Variants in DENND6A observed in about 807,000 individuals in gnomAD.
The protein encoded by DENND6A is protein DENND6A.
A neutral mutation model predicts 95.5 loss-of-function variants in DENND6A; 43 were observed. That is an observed-to-expected ratio of 0.45 (90% CI 0.35 to 0.58). The LOEUF is 0.58. Among genes scored for constraint, DENND6A ranks in the 20% least tolerant of loss-of-function variants. DENND6A has a pLI of 0.00. For synonymous variants in DENND6A, 257 were observed against 260.4 expected, an observed-to-expected ratio of 0.99 and a Z score of 0.13; for missense variants, 574 against 736.0, an observed-to-expected ratio of 0.78 and a Z score of 2.55.
intron 16 of DENND6A, 35 bp from the exon 17 acceptor site, chr3:57,630,859 G>C (rs2070653279): frequency 1.2e-6 from 2 of 1,610,346 alleles, no homozygotes; most frequent in African/African-American, 2.7e-5. Context: ...TAGAAATTAG[G>C]AGTGGATATG....
intron 1 of DENND6A, among the ~76,000 whole-genome samples, chr3:57,687,939 A>AG (rs1055542011): frequency 5.9e-5 from 9 of 151,290 alleles, no homozygotes; most frequent in African/African-American, 1.7e-4. Flanking sequence ...CAAAAAAAAA[A>AG]AAAAGAAAAG....
chr3:57,683,850 T>C (rs967677139), intron 1 of DENND6A, among the ~76,000 whole-genome samples: 2 of 152,272 alleles, frequency 1.3e-5, no homozygotes, highest in African/African-American at 4.8e-5. Flanking sequence ...GCAAGTTACC[T>C]CTTTAAGTTC....
intron 6 of DENND6A, among the ~76,000 whole-genome samples, chr3:57,661,085 C>A (rs939951537): frequency 2.0e-5 from 3 of 152,064 alleles, no homozygotes; most frequent in Admixed American, 1.3e-4. Flanking sequence ...TTTTTGTATT[C>A]ATTTATTACT....
At chr3:57,661,652 T>TA in intron 5 of DENND6A, 101 bp from the exon 6 acceptor site, 1 of 931,444 alleles carries the variant, frequency 1.1e-6, no homozygotes, top group Non-Finnish European at 1.6e-6. Flanking sequence ...GTGTGGATTT[T>TA]AAAATAAAAA....
chr3:57,631,305 T>G (rs766605721), intron 15 of DENND6A: 4 of 201,440 alleles, frequency 2.0e-5, no homozygotes, highest in Non-Finnish European at 4.0e-5. Flanking sequence ...CAAGCGATTC[T>G]CCCGCCTCAG....
In DENND6A at chr3:57,646,316, T is replaced by C; in HGVS notation, c.941A>G (p.Asn314Ser). The change falls in exon 10 of 20, where the codon AAC (asparagine) becomes AGC (serine). Residue 314 changes from asparagine (N) to serine (S), a missense_variant and splice_region_variant. Asn to Ser is a conservative substitution (Grantham distance 46). Around this residue, in one of 2 missense-constraint regions of DENND6A, gnomAD observed 452 missense variants for 630.9 expected, o/e 0.72. Transcript: ENST00000311128. ...AGAAATAGTAACCAAATAGACTCAC[T>C]TAACAAGTGCCAATACAGTCTCTGA... The part of the protein sequence containing the change: ...ESSETVLALV[N>S]CISPLKYFSD... 1 of 1,607,594 alleles carries C rather than the reference T, an allele frequency of 6.2e-7. No homozygotes were observed.
chr3:57,644,162 A>C (rs982755830), intron 11 of DENND6A, among the ~76,000 whole-genome samples: 3 of 151,994 alleles, frequency 2.0e-5, no homozygotes, highest in Non-Finnish European at 2.9e-5. Flanking sequence ...AAAAAAAAAA[A>C]AAAAACTATC....
At chr3:57,649,641 AAT>A (rs1186061791) in intron 9 of DENND6A, among the ~76,000 whole-genome samples, 10,844 of 102,520 alleles carry the variant, frequency 0.11, 405 homozygotes, top group Non-Finnish European at 0.12. Flanking sequence ...AAAAAAAAAA[AAT>A]ATATATATAT....
chr3:57,634,600 T>C lies in DENND6A; in HGVS notation c.1221A>G (p.Pro407=). Reference sequence around the variant, plus strand: ...TGATCTCTTCATCTCTATTTAAATATGGCTTATATGAAGTATAAACTCCTA... The same window carrying C: ...TGATCTCTTCATCTCTATTTAAATACGGCTTATATGAAGTATAAACTCCTA... ...SKPGVYTSYK[P]YLNRDEEIIK... Residue 407 remains proline, a synonymous_variant, in exon 14 of 20, where the codon CCA becomes CCG. Coordinates refer to ENST00000311128, the MANE Select transcript of DENND6A (RefSeq NM_152678.3). 2 of 1,466,808 alleles carry C rather than the reference T, an allele frequency of 1.4e-6. No individual in the cohort carries two copies. The highest frequency in any genetic ancestry group is 1.8e-6 in the Non-Finnish European group (2 of 1,093,792). 90.9% of individuals were successfully genotyped at this position (1,466,808 alleles called of 1,614,324 possible).
chr3:57,643,646 A>G (rs2070999876), intron 11 of DENND6A, among the ~76,000 whole-genome samples: 1 of 151,326 alleles, frequency 6.6e-6, no homozygotes, highest in South Asian at 2.1e-4. Flanking sequence ...GGCCAACATG[A>G]TGAAACCCCA....
intron 9 of DENND6A, among the ~76,000 whole-genome samples, chr3:57,646,740 C>T (rs1001686352): frequency 6.6e-6 from 1 of 152,064 alleles, no homozygotes; most frequent in Non-Finnish European, 1.5e-5. Flanking sequence ...ACCATATGAT[C>T]GATCTATTTT....
At chr3:57,649,167 TAAAC>T (rs1442701371) in intron 9 of DENND6A, among the ~76,000 whole-genome samples, 1 of 151,710 alleles carries the variant, frequency 6.6e-6, no homozygotes, top group African/African-American at 2.4e-5. Context: ...AAGAACAAAA[TAAAC>T]AATCCCATCA....
intron 7 of DENND6A, 127 bp downstream of exon 7, chr3:57,660,633 G>A (rs1053376824): frequency 2.2e-5 from 16 of 714,490 alleles, no homozygotes; most frequent in Admixed American, 1.2e-4. Flanking sequence ...GCTTGAGCCC[G>A]GAAAGTTGAG....
At chr3:57,637,075 G>A (rs1337303365) in intron 12 of DENND6A, among the ~76,000 whole-genome samples, 3 of 151,946 alleles carry the variant, frequency 2.0e-5, no homozygotes, top group African/African-American at 2.4e-5. Context: ...ACCATTTACT[G>A]AAGATGTCCT....
intron 3 of DENND6A, among the ~76,000 whole-genome samples, chr3:57,666,637 C>T (rs753856284): frequency 3.3e-5 from 5 of 152,080 alleles, no homozygotes; most frequent in Non-Finnish European, 7.4e-5. Flanking sequence ...ACTAAACTGT[C>T]GTGCTTAGGG....
intron 3 of DENND6A, among the ~76,000 whole-genome samples, chr3:57,669,076 T>C (rs2071572016): frequency 6.6e-6 from 1 of 152,150 alleles, no homozygotes; most frequent in Admixed American, 6.5e-5. Context: ...TTCACCATGT[T>C]GGCCAGGCTG....
At chr3:57,683,925 C>T (rs1046244654) in intron 1 of DENND6A, among the ~76,000 whole-genome samples, 1 of 151,894 alleles carries the variant, frequency 6.6e-6, no homozygotes, top group Non-Finnish European at 1.5e-5. Context: ...GAGGCCGCAG[C>T]GGGTGGATCA....
chr3:57,663,557 G>T, intron 5 of DENND6A, 79 bp downstream of exon 5: 1 of 881,824 alleles, frequency 1.1e-6, no homozygotes, highest in Non-Finnish European at 1.6e-6. Flanking sequence ...AGACTTTAAA[G>T]ACTCTTAAAT....
chr3:57,685,691 G>A (rs2077205650), intron 1 of DENND6A, among the ~76,000 whole-genome samples: 1 of 151,906 alleles, frequency 6.6e-6, no homozygotes, highest in Non-Finnish European at 1.5e-5. Context: ...TGATTTAACA[G>A]AAATAACTAG....
Sources: allele counts gnomAD v4.1 joint callset (sites outside exome capture counted in the v4.1 genomes callset), GRCh38; gene constraint gnomAD v4.1.1; regional missense constraint gnomAD v4.1.1; transcripts MANE v1.5; gene names NCBI Gene and HGNC (gene_info 2026-07-23, HGNC 2026-07-21).